The following BLTP1 variants were observed in gnomAD, a reference collection of about 807,000 sequenced individuals.
BLTP1 encodes the protein bridge-like lipid transfer protein family member 1.
the BLTP1 span, chr4:122,340,847 A>C: frequency 7.5e-6 from 7 of 939,502 alleles, no homozygotes; most frequent in Non-Finnish European, 8.9e-6. Flanking sequence ...AAAAGTACTA[A>C]AGGTGAAATG....
chr4:122,218,769 A>G, the BLTP1 span, among the ~76,000 whole-genome samples: 1 of 152,228 alleles, frequency 6.6e-6, no homozygotes, highest in East Asian at 1.9e-4. Flanking sequence ...ACTTCTGCAT[A>G]AAAAACCAGG....
the BLTP1 span, among the ~76,000 whole-genome samples, chr4:122,315,145 C>T: frequency 4.6e-5 from 7 of 152,264 alleles, no homozygotes; most frequent in East Asian, 1.9e-4. Context: ...TGACCTTCAC[C>T]TGGACCAATT....
chr4:122,350,165 C>G, the BLTP1 span: 1 of 1,464,548 alleles, frequency 6.8e-7, no homozygotes, highest in Admixed American at 2.7e-5. Context: ...CTGTATGCCC[C>G]ACTTAGAAAA....
chr4:122,187,306 G>T, the BLTP1 span: 1 of 1,453,790 alleles, frequency 6.9e-7, no homozygotes, highest in Non-Finnish European at 9.1e-7. Flanking sequence ...GTTTACTGAA[G>T]TAGTCACTAG....
chr4:122,285,283 A>G, the BLTP1 span, among the ~76,000 whole-genome samples: 2 of 152,196 alleles, frequency 1.3e-5, no homozygotes, highest in East Asian at 1.9e-4. Flanking sequence ...TGACTATACT[A>G]GTAATAAGGG....
At chr4:122,253,248 T>C in the BLTP1 span, among the ~76,000 whole-genome samples, 1 of 152,058 alleles carries the variant, frequency 6.6e-6, no homozygotes, top group African/African-American at 2.4e-5. Context: ...TGCCCAGACA[T>C]TGATGAACGT....
chr4:122,224,360 T>C, the BLTP1 span: 3 of 924,588 alleles, frequency 3.2e-6, no homozygotes, highest in Non-Finnish European at 4.8e-6. Context: ...AAGGTTGTGT[T>C]AGGAGCTTGT....
chr4:122,345,783 T>C, the BLTP1 span, among the ~76,000 whole-genome samples: 1 of 151,794 alleles, frequency 6.6e-6, no homozygotes, highest in African/African-American at 2.4e-5. Context: ...CATGCAATAG[T>C]AGATGAGAGC....
At chr4:122,238,464 C>G in the BLTP1 span, 16 of 739,348 alleles carry the variant, frequency 2.2e-5, no homozygotes, top group Non-Finnish European at 3.1e-5. Flanking sequence ...AAATTGTTAC[C>G]TGTATATCTG....
the BLTP1 span, chr4:122,290,937 A>C: frequency 1.5e-6 from 1 of 656,586 alleles, no homozygotes; most frequent in Non-Finnish European, 1.9e-6. Context: ...TACATGAACT[A>C]ATCTTGTATT....
the BLTP1 span, chr4:122,169,901 G>T: frequency 1.2e-5 from 12 of 985,034 alleles, no homozygotes; most frequent in East Asian, 1.2e-3. Flanking sequence ...GAGGGTAAGA[G>T]GGATTTATCT....
the BLTP1 span, among the ~76,000 whole-genome samples, chr4:122,308,505 T>C: frequency 6.6e-6 from 1 of 152,114 alleles, no homozygotes; most frequent in African/African-American, 2.4e-5. Context: ...GACTTGTTTA[T>C]AAGATGGAAA....
chr4:122,354,828 G>A, the BLTP1 span, among the ~76,000 whole-genome samples: 11 of 151,714 alleles, frequency 7.3e-5, no homozygotes, highest in Admixed American at 6.6e-5. Context: ...CACCACGCCC[G>A]GCTAATTTTT....
At chr4:122,329,207 A>T in the BLTP1 span, among the ~76,000 whole-genome samples, 1 of 151,794 alleles carries the variant, frequency 6.6e-6, no homozygotes, top group South Asian at 2.1e-4. Flanking sequence ...AAGTAGCTTT[A>T]CTATTTTTGT....
chr4:122,187,605 T>C, the BLTP1 span: 4 of 1,293,072 alleles, frequency 3.1e-6, no homozygotes, highest in South Asian at 4.6e-5. Context: ...GAAAATTAAA[T>C]AGTTTTGTGG....
the BLTP1 span, among the ~76,000 whole-genome samples, chr4:122,294,866 G>A: frequency 1.3e-5 from 2 of 152,106 alleles, no homozygotes; most frequent in African/African-American, 2.4e-5. Flanking sequence ...GCTGAGGATC[G>A]TGACAAAACA....
At chr4:122,193,631 C>T in the BLTP1 span, 2 of 779,614 alleles carry the variant, frequency 2.6e-6, no homozygotes, top group Non-Finnish European at 3.1e-6. Context: ...TTTTTATGTA[C>T]AAAATTAGAC....
the BLTP1 span, among the ~76,000 whole-genome samples, chr4:122,165,999 A>G: frequency 2.0e-5 from 3 of 151,928 alleles, no homozygotes; most frequent in African/African-American, 7.2e-5. Context: ...GTAGATTGCA[A>G]AAATTTTCTC....
At chr4:122,325,513 G>T in the BLTP1 span, 1 of 984,924 alleles carries the variant, frequency 1.0e-6, no homozygotes, top group African/African-American at 1.7e-5. Flanking sequence ...CATGAAGCAG[G>T]TGTTAGTATT....
Sources: allele counts gnomAD v4.1 joint callset (sites outside exome capture counted in the v4.1 genomes callset), GRCh38; gene constraint gnomAD v4.1.1; transcripts MANE v1.5; gene names NCBI Gene and HGNC (gene_info 2026-07-23, HGNC 2026-07-21).